SMCR8: variants seen among roughly 807,000 people sequenced by gnomAD.
SMCR8 encodes guanine nucleotide exchange protein SMCR8.
Under a neutral mutation model 56.6 loss-of-function variants are expected in SMCR8, and 30 were observed. The observed-to-expected ratio is 0.53, with a 90% CI of 0.40 to 0.72. SMCR8 has a LOEUF of 0.72. SMCR8 is among the 30% of genes least tolerant of loss of function. The pLI is 0.00. For missense variants in SMCR8, 1,198 were observed against 1,157.0 expected (o/e 1.04, Z -0.51); for synonymous variants, 538 against 456.0 (o/e 1.18, Z -2.29).
intron 1 of SMCR8, among the ~76,000 whole-genome samples, chr17:18,320,183 G>A (rs1419751010): frequency 2.6e-5 from 4 of 152,206 alleles, no homozygotes; most frequent in Non-Finnish European, 4.4e-5. Context: ...ACAAGCTGCC[G>A]CTTTACCCAG....
rs751199121 is a variant in SMCR8, at chr17:18,316,751, C to A, written c.962C>A (p.Thr321Asn). ...STKCFDKKLKTLEELCDTEYF... is the reference protein window; with the variant it reads ...STKCFDKKLKNLEELCDTEYF... ...AAGTGTTTTGACAAGAAGTTGAAGA[C>A]CTTGGAGGAGCTCTGTGACACTGAA... Residue 321 changes from threonine to asparagine, a missense_variant, in exon 1 of 2, where the codon ACC becomes AAC. Physicochemically the swap from Thr to Asn is moderately conservative, Grantham distance 65. Coordinates refer to ENST00000406438, the MANE Select transcript of SMCR8 (RefSeq NM_144775.3). 1.2e-6 allele frequency: 2 copies of A among 1,614,056 alleles called. No homozygotes were observed. Among genetic ancestry groups the A allele is most frequent in the African/African-American group, 2.7e-5 (2 of 74,912 alleles).
Position 18,317,779 on chromosome 17 carries a change from A to G in SMCR8, c.1990A>G (p.Ser664Gly). ...CCACCTGCTGGCTAGCCGGGACATC[A>G]GTAAGACCAGCCTGGACAACTACTC... is the stretch of plus-strand genomic sequence containing the variant. ...PSHLLASRDISKTSLDNYSDT... is the reference protein window; with the variant it reads ...PSHLLASRDIGKTSLDNYSDT... The change falls in exon 1 of 2, where the codon AGT becomes GGT. Residue 664 changes from serine (S) to glycine (G), a missense_variant. Ser to Gly is a moderately conservative substitution (Grantham distance 56). Coordinates refer to ENST00000406438, the MANE Select transcript of SMCR8 (RefSeq NM_144775.3). The G allele has an allele frequency of 6.2e-7, 1 of 1,614,174 alleles. No homozygotes were observed. The highest frequency in any genetic ancestry group is 2.2e-5 in the East Asian group (1 of 44,876).
At chr17:18,320,886 G>A (rs557409468) in intron 1 of SMCR8, among the ~76,000 whole-genome samples, 25 of 152,328 alleles carry the variant, frequency 1.6e-4, no homozygotes, top group African/African-American at 6.0e-4. Context: ...GGCCAGCTCT[G>A]AGGCAACTCC....
chr17:18,318,057 C>G lies in SMCR8; in HGVS notation c.2268C>G (p.Ser756Arg). 1.2e-6 allele frequency: 2 copies of G among 1,614,264 alleles called. No homozygotes were observed. The highest frequency in any genetic ancestry group is 8.5e-7 in the Non-Finnish European group (1 of 1,180,050). The part of the protein sequence containing the change: ...LVTALAIFVP[S>R]YGCYAKPVKH... Reference sequence around the variant, plus strand: ...CTGCACTGGCTATCTTTGTCCCCAGCTATGGCTGCTACGCTAAGCCCGTGA... The same window carrying G: ...CTGCACTGGCTATCTTTGTCCCCAGGTATGGCTGCTACGCTAAGCCCGTGA... The change falls in exon 1 of 2, where the codon AGC (serine) becomes AGG (arginine). Residue 756 changes from serine to arginine, a missense_variant. Transcript: ENST00000406438.
intron 1 of SMCR8, among the ~76,000 whole-genome samples, chr17:18,321,252 G>C (rs1383102643): frequency 6.6e-6 from 1 of 152,220 alleles, no homozygotes; most frequent in Non-Finnish European, 1.5e-5. Flanking sequence ...CTCTGGGGAA[G>C]CTGCTTCAGG....
rs1982658177 is a variant in SMCR8 at position 18,326,487 on chromosome 17, T to C, written c.*3417T>C. On this transcript the variant is annotated 3_prime_UTR_variant, in exon 2 of 2. Coordinates refer to ENST00000406438, the MANE Select transcript of SMCR8 (RefSeq NM_144775.3). ...GAAATTGTGGCTTTTCCATAACTCA[T>C]TTACTCCAACAGTTGAAGTTACACA... 1 of 152,248 alleles carries C rather than the reference T, an allele frequency of 6.6e-6. No individual in the cohort carries two copies. 9.4% of individuals were successfully genotyped at this position (152,248 alleles called of 1,614,324 possible).
At position 18,318,036 on chromosome 17, in the gene SMCR8, A is replaced by G. The variant is rs1415989010; in HGVS notation, c.2247A>G (p.Ala749=). 1 of 1,614,252 alleles carries G rather than the reference A, an allele frequency of 6.2e-7. No homozygotes were observed. The highest frequency in any genetic ancestry group is 8.5e-7 in the Non-Finnish European group (1 of 1,180,038). ...DEAIVRKLVT[A]LAIFVPSYGC... is the part of the protein sequence containing the mutation. ...CCATAGTCAGGAAACTCGTGACTGCACTGGCTATCTTTGTCCCCAGCTATG... is the reference window on the plus strand; with the variant it reads ...CCATAGTCAGGAAACTCGTGACTGCGCTGGCTATCTTTGTCCCCAGCTATG... The change falls in exon 1 of 2, where the codon GCA becomes GCG. Residue 749 remains alanine, a synonymous_variant. Transcript: ENST00000406438.
In SMCR8 at chr17:18,318,124, A is replaced by G. The variant is rs759443675; in HGVS notation, c.2335A>G (p.Lys779Glu). ...SSPLHIMDFQ[K>E]WKLIGLQRVA... The stretch of plus-strand genomic sequence containing the variant: ...CCCTTTGCACATTATGGATTTTCAG[A>G]AGTGGAAGCTTATTGGCTTGCAGAG... The change falls in exon 1 of 2, where the codon AAG becomes GAG. Residue 779 changes from lysine (K) to glutamate (E), a missense_variant. Coordinates refer to ENST00000406438, the MANE Select transcript of SMCR8 (RefSeq NM_144775.3). 6.2e-7 allele frequency: 1 copy of G among 1,612,788 alleles called. No individual in the cohort carries two copies. The highest frequency in any genetic ancestry group is 2.2e-5 in the East Asian group (1 of 44,826).
chr17:18,319,948 C>T (rs916075489), intron 1 of SMCR8, among the ~76,000 whole-genome samples: 2 of 152,154 alleles, frequency 1.3e-5, no homozygotes, highest in Non-Finnish European at 2.9e-5. Flanking sequence ...CTCAAATGAT[C>T]GGCCCACCTC....
chr17:18,318,771 G>T (rs972518467), intron 1 of SMCR8, among the ~76,000 whole-genome samples: 3 of 152,200 alleles, frequency 2.0e-5, no homozygotes, highest in African/African-American at 7.2e-5. Context: ...TTGGTGTGAG[G>T]TAAGACATGG....
Position 18,315,687 on chromosome 17 carries a change from G to C in SMCR8, c.-103G>C. The C allele has an allele frequency of 2.6e-6, 3 of 1,167,534 alleles. No homozygotes were observed. Among genetic ancestry groups the C allele is most frequent in the Non-Finnish European group, 3.6e-6 (3 of 828,758 alleles). 72.3% of individuals were successfully genotyped at this position (1,167,534 alleles called of 1,614,324 possible). On this transcript the variant is annotated 5_prime_UTR_variant, in exon 1 of 2. Transcript: ENST00000406438. ...GGTTCGGGGAGTCGCAAAGAAGGCCGTAAGGGCTTCACTTCCTTCTCCGGA... is the reference window on the plus strand; with the variant it reads ...GGTTCGGGGAGTCGCAAAGAAGGCCCTAAGGGCTTCACTTCCTTCTCCGGA...
rs1982607528 is a variant in SMCR8 at position 18,324,926 on chromosome 17, A to T, written c.*1856A>T. On this transcript the variant is annotated 3_prime_UTR_variant, in exon 2 of 2. Coordinates refer to ENST00000406438, the MANE Select transcript of SMCR8 (RefSeq NM_144775.3). ...GCCAGCAATACCTTGGCAGCCTTTA[A>T]ATGTGAAACGTCTGTTACTTGCGCT... 6.6e-6 allele frequency: 1 copy of T among 152,210 alleles called. No homozygotes were observed. The highest frequency in any genetic ancestry group is 2.1e-4 in the South Asian group (1 of 4,834). 9.4% of individuals were successfully genotyped at this position (152,210 alleles called of 1,614,324 possible). A position where few individuals can be genotyped will look rare whatever the true frequency, so the allele number is the denominator to read the frequency against.
rs1355626047 is a variant in SMCR8 at position 18,315,706 on chromosome 17, C to T, written c.-84C>T. On this transcript the variant is annotated 5_prime_UTR_variant, in exon 1 of 2. Transcript: ENST00000406438. ...AAGGCCGTAAGGGCTTCACTTCCTT[C>T]TCCGGAGGCCTGCCTTCTGCGCGTC... The T allele has an allele frequency of 3.0e-6, 4 of 1,341,664 alleles. No individual in the cohort carries two copies. The highest frequency in any genetic ancestry group is 4.1e-6 in the Non-Finnish European group (4 of 981,904). The allele number at this position is 1,341,664 out of a possible 1,614,324, so 83.1% of individuals were successfully genotyped here.
In SMCR8 at chr17:18,315,901, G is replaced by T. The variant is rs752407085; in HGVS notation, c.112G>T (p.Ala38Ser). Residue 38 changes from alanine to serine, a missense_variant, in exon 1 of 2, where the codon GCC becomes TCC. By Grantham distance (99) the Ala-to-Ser change is moderately conservative (BLOSUM62 1). Coordinates refer to ENST00000406438, the MANE Select transcript of SMCR8 (RefSeq NM_144775.3). ...EEYSVPLFPFASQGANPWSKL... is the reference protein window; with the variant it reads ...EEYSVPLFPFSSQGANPWSKL... ...GTACTCGGTGCCGCTCTTCCCCTTC[G>T]CCAGTCAGGGTGCTAACCCCTGGTC... 2.5e-6 allele frequency: 4 copies of T among 1,613,994 alleles called. No homozygotes were observed. The East Asian group carries it at 6.7e-5, about 27-fold the overall frequency.
In SMCR8 at chr17:18,315,976, T is replaced by G. The variant is rs1982255644; in HGVS notation, c.187T>G (p.Phe63Val). The change falls in exon 1 of 2, where the codon TTC becomes GTC. Residue 63 changes from phenylalanine (F) to valine (V), a missense_variant. Transcript: ENST00000406438. ...FSRDFILISE[F>V]SEQVGPQPLL... ...GAGGGACTTCATTCTTATTTCCGAG[T>G]TCTCTGAGCAGGTGGGACCCCAACC... 1 of 1,614,094 alleles carries G rather than the reference T, an allele frequency of 6.2e-7. No individual in the cohort carries two copies. The highest frequency in any genetic ancestry group is 8.5e-7 in the Non-Finnish European group (1 of 1,180,008).
chr17:18,316,349 A>G lies in SMCR8; in HGVS notation c.560A>G (p.Asn187Ser). The change falls in exon 1 of 2, where the codon AAC becomes AGC. Residue 187 changes from asparagine to serine, a missense_variant. Transcript: ENST00000406438. ...SRASECLKTG[N>S]RKAFAGELEK... ...GCTTCTGAGTGCTTGAAGACTGGCA[A>G]CAGGAAGGCATTTGCTGGGGAACTT... 6.2e-7 allele frequency: 1 copy of G among 1,614,192 alleles called. No individual in the cohort carries two copies. The highest frequency in any genetic ancestry group is 8.5e-7 in the Non-Finnish European group (1 of 1,180,036).
rs779414290 is a variant in SMCR8 at position 18,325,004 on chromosome 17, G to C, written c.*1934G>C. 13 of 152,262 alleles carry C rather than the reference G, an allele frequency of 8.5e-5. No individual in the cohort carries two copies. The highest frequency in any genetic ancestry group is 1.3e-4 in the Non-Finnish European group (9 of 68,068). 9.4% of individuals were successfully genotyped at this position (152,262 alleles called of 1,614,324 possible). Reference sequence around the variant, plus strand: ...CTTCTAATCGTGGGCTCCCTTATCTGTTACGGTTCCCTCCCCTCCTGTTCT... The same window carrying C: ...CTTCTAATCGTGGGCTCCCTTATCTCTTACGGTTCCCTCCCCTCCTGTTCT... On this transcript the variant is annotated 3_prime_UTR_variant, in exon 2 of 2. Transcript: ENST00000406438.
Position 18,316,895 on chromosome 17 carries a change from A to G in SMCR8, c.1106A>G (p.Asn369Ser), listed in dbSNP as rs770906852. The change falls in exon 1 of 2, where the codon AAC becomes AGC. Residue 369 changes from asparagine to serine, a missense_variant. By Grantham distance (46) the Asn-to-Ser change is conservative. Coordinates refer to ENST00000406438, the MANE Select transcript of SMCR8 (RefSeq NM_144775.3). Reference sequence around the variant, plus strand: ...CTTCTAAAACAACAGCATATAACAAACTTTCTCTTTGAAGACTTTGTGGAG... The same window carrying G: ...CTTCTAAAACAACAGCATATAACAAGCTTTCTCTTTGAAGACTTTGTGGAG... Reference protein sequence around the residue: ...RALLKQQHITNFLFEDFVEVD... With the variant: ...RALLKQQHITSFLFEDFVEVD... 5 of 1,614,040 alleles carry G rather than the reference A, an allele frequency of 3.1e-6. No individual in the cohort carries two copies. In the African/African-American group the frequency reaches 4.0e-5, roughly 13 times the overall value.
intron 1 of SMCR8, among the ~76,000 whole-genome samples, chr17:18,319,684 TC>T (rs1163454443): frequency 2.0e-5 from 3 of 152,194 alleles, no homozygotes; most frequent in Admixed American, 6.5e-5. Context: ...CAAGCTGGTA[TC>T]CTGTCATTTG....
Sources: allele counts gnomAD v4.1 joint callset (sites outside exome capture counted in the v4.1 genomes callset), GRCh38; gene constraint gnomAD v4.1.1; transcripts MANE v1.5; gene names NCBI Gene and HGNC (gene_info 2026-07-23, HGNC 2026-07-21).